The following SCAPER variants were observed in gnomAD, a reference collection of about 807,000 sequenced individuals.
The protein encoded by SCAPER is S phase cyclin A-associated protein in the endoplasmic reticulum.
A neutral mutation model predicts 182.2 loss-of-function variants in SCAPER; 98 were observed. That is an observed-to-expected ratio of 0.54 (90% CI 0.46 to 0.64). The LOEUF is 0.64. Among genes scored for constraint, SCAPER ranks in the 30% least tolerant of loss-of-function variants. SCAPER has a pLI of 0.00. For synonymous variants in SCAPER, 605 were observed against 564.6 expected, an observed-to-expected ratio of 1.07 and a Z score of -1.01; for missense variants, 1,432 against 1,690.0, an observed-to-expected ratio of 0.85 and a Z score of 2.68.
intron 23 of SCAPER, among the ~76,000 whole-genome samples, chr15:76,510,137 C>T (rs916680514): frequency 1.3e-5 from 2 of 152,000 alleles, no homozygotes; most frequent in African/African-American, 2.4e-5. Context: ...AAGATAATAT[C>T]GGAAAAACTC....
Position 76,500,895 on chromosome 15 carries a change from G to A in SCAPER, c.2954+3964C>T, listed in dbSNP as rs548505866. Among the ~76,000 whole-genome samples, 37 of 151,820 alleles carry A rather than the reference G, an allele frequency of 2.4e-4. 1 individual carries two copies. In the South Asian group the frequency reaches 4.0e-3, roughly 16 times the overall value. ...TCTCTACTAAAAATACAAAAAAAAA[G>A]AGCCAGGCATGGTGGCGTGTGCTTG... On this transcript the variant is annotated intron_variant, in intron 24 of 31. Transcript: ENST00000563290.
intron 5 of SCAPER, among the ~76,000 whole-genome samples, chr15:76,808,157 GC>G (rs1273592103): frequency 6.6e-6 from 1 of 152,104 alleles, no homozygotes; most frequent in Non-Finnish European, 1.5e-5. Context: ...AAAACTACTA[GC>G]CCCCAGTTTC....
chr15:76,424,672 G>A (rs2046295827), intron 26 of SCAPER, among the ~76,000 whole-genome samples: 1 of 152,130 alleles, frequency 6.6e-6, no homozygotes, highest in Non-Finnish European at 1.5e-5. Context: ...GATGTTAGCT[G>A]GTTATTTTGC....
chr15:76,821,598 T>C (rs533877708), intron 5 of SCAPER, among the ~76,000 whole-genome samples: 58 of 152,040 alleles, frequency 3.8e-4, no homozygotes, highest in African/African-American at 1.2e-3. Flanking sequence ...CACTCCAGCC[T>C]GGGTGACAGG....
At chr15:76,692,125 G>A (rs950819429) in intron 20 of SCAPER, among the ~76,000 whole-genome samples, 4 of 152,124 alleles carry the variant, frequency 2.6e-5, no homozygotes, top group African/African-American at 7.2e-5. Flanking sequence ...AAAATAAAAA[G>A]CAGCAGACAA....
intron 14 of SCAPER, among the ~76,000 whole-genome samples, chr15:76,758,538 C>G (rs2151226884): frequency 6.6e-6 from 1 of 152,248 alleles, no homozygotes; most frequent in East Asian, 1.9e-4. Context: ...AGCCTTTGCT[C>G]TTCTTGCTCA....
intron 1 of SCAPER, among the ~76,000 whole-genome samples, chr15:76,888,147 A>G (rs899235440): frequency 2.0e-5 from 3 of 152,222 alleles, no homozygotes; most frequent in African/African-American, 7.2e-5. Context: ...AACCAAAAGG[A>G]CATCCACACC....
At chr15:76,500,485 G>C (rs1045011631) in intron 24 of SCAPER, among the ~76,000 whole-genome samples, 10 of 152,182 alleles carry the variant, frequency 6.6e-5, no homozygotes, top group Non-Finnish European at 1.0e-4. Context: ...ACTGCTGCCT[G>C]GAAAGGGCTT....
At position 76,354,571 on chromosome 15, in the gene SCAPER, C is replaced by T. The variant is rs2040829310; in HGVS notation, c.3856-431G>A. On this transcript the variant is annotated intron_variant, in intron 29 of 31. Transcript: ENST00000563290. The surrounding 1 kb of genome is among the most constrained non-coding windows in gnomAD (Gnocchi z 4.4). ...TGCAGTCTTCCCTTAGCTTAGCTCA[C>T]TGAATACACTCAATGCAGACAGATC... 2 of 160,004 alleles carry T rather than the reference C, an allele frequency of 1.2e-5. No individual in the cohort carries two copies. The highest frequency in any genetic ancestry group is 4.8e-5 in the African/African-American group (2 of 41,518). 9.9% of individuals were successfully genotyped at this position (160,004 alleles called of 1,614,324 possible). A position where few individuals can be genotyped will look rare whatever the true frequency, so the allele number is the denominator to read the frequency against.
chr15:76,735,178 T>C (rs1459619200), intron 15 of SCAPER, among the ~76,000 whole-genome samples: 1 of 151,852 alleles, frequency 6.6e-6, no homozygotes, highest in East Asian at 1.9e-4. Flanking sequence ...TGACTATCTC[T>C]ATTAAATATA....
At chr15:76,453,079 C>A (rs1234664085) in intron 25 of SCAPER, among the ~76,000 whole-genome samples, 1 of 152,212 alleles carries the variant, frequency 6.6e-6, no homozygotes, top group Non-Finnish European at 1.5e-5. Flanking sequence ...AGCGATCCTC[C>A]TGCCTCAGCC....
chr15:76,638,199 T>C (rs543963652), intron 21 of SCAPER, among the ~76,000 whole-genome samples: 1 of 152,286 alleles, frequency 6.6e-6, no homozygotes, highest in Admixed American at 6.5e-5. Context: ...GTGATTTCTG[T>C]TCAGTAAGGT....
At chr15:76,739,080 G>T (rs894877380) in intron 15 of SCAPER, among the ~76,000 whole-genome samples, 2 of 152,116 alleles carry the variant, frequency 1.3e-5, no homozygotes, top group Non-Finnish European at 2.9e-5. Context: ...ATTGTATTAG[G>T]TATAAGTAAT....
intron 8 of SCAPER, among the ~76,000 whole-genome samples, chr15:76,787,805 A>G (rs2064721028): frequency 6.6e-6 from 1 of 152,238 alleles, no homozygotes; most frequent in Non-Finnish European, 1.5e-5. Flanking sequence ...ATGGGTAGAC[A>G]ATGAATTCTT....
chr15:76,521,293 A>C (rs1161094945), intron 23 of SCAPER, among the ~76,000 whole-genome samples: 1 of 152,108 alleles, frequency 6.6e-6, no homozygotes, highest in African/African-American at 2.4e-5. Flanking sequence ...TTCATATATA[A>C]ACAGGCTTTG....
Position 76,626,226 on chromosome 15 carries a change from C to T in SCAPER, c.2646-4397G>A, listed in dbSNP as rs745921521. Among the ~76,000 whole-genome samples the T allele has an allele frequency of 5.3e-5, 8 of 152,086 alleles. 1 individual carries two copies. Among genetic ancestry groups the T allele is most frequent in the Admixed American group, 1.3e-4 (2 of 15,268 alleles). On this transcript the variant is annotated intron_variant, in intron 21 of 31. Transcript: ENST00000563290. ...GGTTCTTTGTTGTGGAGGAGGCACACACTAGATGCCTCTAGTCAACCATCC... is the reference window on the plus strand; with the variant it reads ...GGTTCTTTGTTGTGGAGGAGGCACATACTAGATGCCTCTAGTCAACCATCC...
intron 20 of SCAPER, among the ~76,000 whole-genome samples, chr15:76,693,007 A>G (rs1490155425): frequency 6.6e-6 from 1 of 152,114 alleles, no homozygotes; most frequent in African/African-American, 2.4e-5. Context: ...TTACCGATTG[A>G]GAGGGTTACA....
At position 76,646,340 on chromosome 15, in the gene SCAPER, TAA is replaced by T. The variant is rs1275966721; in HGVS notation, c.2645+19311_2645+19312del. ...TATGTTCTTGATAGTCAATTATTGT[TAA>T]AAATAGGAAGTCTATTAGCCTAGTG... On this transcript the variant is annotated intron_variant, in intron 21 of 31. Transcript: ENST00000563290. Among the ~76,000 whole-genome samples, 8 of 152,224 alleles carry T rather than the reference TAA, an allele frequency of 5.3e-5. No homozygotes were observed. In the East Asian group the frequency reaches 1.5e-3, roughly 29 times the overall value.
chr15:76,759,118 G>A (rs1224664979), intron 14 of SCAPER, among the ~76,000 whole-genome samples: 2 of 151,924 alleles, frequency 1.3e-5, no homozygotes. Flanking sequence ...GGAGAGAAAT[G>A]GTAAAAGTGG....
Sources: gnomAD v4.1 joint callset for allele counts (sites outside exome capture counted in the v4.1 genomes callset) on GRCh38, gnomAD v4.1.1 for gene constraint, Gnocchi (gnomAD v3.1) non-coding constraint, MANE v1.5 for transcripts, NCBI Gene and HGNC (gene_info 2026-07-23, HGNC 2026-07-21) for gene names.